Variants in ORC2 observed in about 807,000 individuals in gnomAD.
ORC2 encodes the protein origin recognition complex protein 2 homolog.
ORC2 carries 37 observed loss-of-function variants against 77.7 expected under a neutral mutation model. The ratio of observed to expected loss-of-function variants is 0.48; its 90% CI spans 0.37 to 0.63. The LOEUF is 0.63. Ranked by LOEUF, ORC2 falls within the 20% of genes least tolerant of loss-of-function variation. The pLI is 0.00. For missense variants in ORC2, 557 were observed against 661.9 expected, an observed-to-expected ratio of 0.84 and a Z score of 1.74; for synonymous variants, 201 against 229.5, an observed-to-expected ratio of 0.88 and a Z score of 1.12.
rs947224401 is a variant in ORC2 at position 200,910,027 on chromosome 2, T to A, written c.*1274A>T. 1 of 152,164 alleles carries A rather than the reference T, an allele frequency of 6.6e-6. No individual in the cohort carries two copies. The highest frequency in any genetic ancestry group is 2.4e-5 in the African/African-American group (1 of 41,442). 9.4% of individuals were successfully genotyped at this position (152,164 alleles called of 1,614,324 possible). The stretch of plus-strand genomic sequence containing the variant: ...ATCCTCCTGCCTTGGCCTCCCAAAG[T>A]GTTGTGATTACAGGCATAAGCCATT... On this transcript the variant is annotated 3_prime_UTR_variant, in exon 18 of 18. Coordinates refer to ENST00000234296, the MANE Select transcript of ORC2 (RefSeq NM_006190.5).
At chr2:200,917,215 G>A (rs982197795) in intron 15 of ORC2, among the ~76,000 whole-genome samples, 2 of 151,978 alleles carry the variant, frequency 1.3e-5, no homozygotes, top group Non-Finnish European at 2.9e-5. Context: ...GGCTGGTCTC[G>A]AACTCCTGAC....
Position 200,935,953 on chromosome 2 carries a change from G to C in ORC2, c.515-61C>G, listed in dbSNP as rs901699461. 31 of 1,458,190 alleles carry C rather than the reference G, an allele frequency of 2.1e-5. No individual in the cohort carries two copies. In the African/African-American group the frequency reaches 3.9e-4, roughly 19 times the overall value. The allele number at this position is 1,458,190 out of a possible 1,614,324, so 90.3% of individuals were successfully genotyped here. A position where few individuals can be genotyped will look rare whatever the true frequency, so the allele number is the denominator to read the frequency against. On this transcript the variant is annotated intron_variant, in intron 8 of 17. Coordinates refer to ENST00000234296, the MANE Select transcript of ORC2 (RefSeq NM_006190.5). The stretch of plus-strand genomic sequence containing the variant: ...TGGTTTGACAAGAGAGGCATTGTGG[G>C]GTAAAGCAAAGAGTGGGGGCTCTGT...
chr2:200,952,668 A>G (rs2041383977), intron 4 of ORC2, among the ~76,000 whole-genome samples: 1 of 152,154 alleles, frequency 6.6e-6, no homozygotes, highest in African/African-American at 2.4e-5. Context: ...AGAAACTGTA[A>G]AAGATTTAAG....
chr2:200,951,452 T>C (rs1289985417), intron 4 of ORC2, among the ~76,000 whole-genome samples: 1 of 152,248 alleles, frequency 6.6e-6, no homozygotes, highest in African/African-American at 2.4e-5. Flanking sequence ...CAGCTGTTTT[T>C]CATGGGGCTG....
intron 12 of ORC2, 70 bp downstream of exon 12, chr2:200,926,698 C>T: frequency 1.3e-6 from 2 of 1,504,342 alleles, no homozygotes; most frequent in South Asian, 1.1e-5. Flanking sequence ...AATACTCCAT[C>T]CTCATTTATG....
intron 10 of ORC2, among the ~76,000 whole-genome samples, chr2:200,932,484 C>T (rs537944689): frequency 5.3e-5 from 8 of 151,956 alleles, no homozygotes; most frequent in East Asian, 1.9e-4. Flanking sequence ...GGAGTACAGG[C>T]GCGTGCCACC....
Position 200,945,927 on chromosome 2 carries a change from G to A in ORC2, c.329-3150C>T, listed in dbSNP as rs189211068. 2.4e-3 allele frequency among the ~76,000 whole-genome samples: 369 copies of A among 151,998 alleles called. 3 individuals carry two copies. Among genetic ancestry groups the A allele is most frequent in the African/African-American group, 8.6e-3 (356 of 41,464 alleles). The stretch of plus-strand genomic sequence containing the variant: ...ACCCTTTGGGTATATATCTAGTAGT[G>A]GGATTGCTGGATCTCAATCTATTTT... On this transcript the variant is annotated intron_variant, in intron 5 of 17. Transcript: ENST00000234296.
intron 8 of ORC2, among the ~76,000 whole-genome samples, 154 bp from the exon 9 acceptor site, chr2:200,936,046 C>A (rs1403177638): frequency 1.3e-5 from 2 of 152,200 alleles, no homozygotes. Flanking sequence ...TTAACAAATT[C>A]TCTCAGCACC....
intron 1 of ORC2, 119 bp downstream of exon 1, chr2:200,963,371 G>A (rs1197493088): frequency 2.5e-6 from 1 of 398,160 alleles, no homozygotes; most frequent in African/African-American, 2.1e-5. Context: ...CCTGAGATGC[G>A]CGACTTGGGA....
intron 12 of ORC2, 80 bp downstream of exon 12, chr2:200,926,688 A>T: frequency 1.4e-6 from 2 of 1,432,662 alleles, no homozygotes; most frequent in Non-Finnish European, 1.9e-6. Flanking sequence ...AAAATTCTTT[A>T]ATACTCCATC....
chr2:200,932,243 C>G (rs2040954863), intron 10 of ORC2, among the ~76,000 whole-genome samples: 3 of 151,928 alleles, frequency 2.0e-5, no homozygotes, highest in African/African-American at 7.3e-5. Context: ...AATATCTTTT[C>G]CAGCAGTCAT....
chr2:200,917,075 A>G (rs2124934394), intron 15 of ORC2, among the ~76,000 whole-genome samples: 1 of 149,382 alleles, frequency 6.7e-6, no homozygotes, highest in South Asian at 2.1e-4. Flanking sequence ...GCTCAATGCA[A>G]CCTTTACCTC....
intron 10 of ORC2, among the ~76,000 whole-genome samples, chr2:200,932,041 T>C (rs1446824089): frequency 1.3e-5 from 2 of 152,190 alleles, no homozygotes; most frequent in African/African-American, 4.8e-5. Flanking sequence ...ACCTTTCAAG[T>C]AAAATATTAT....
At chr2:200,915,180 A>AT (rs201972403) in intron 15 of ORC2, among the ~76,000 whole-genome samples, 4,301 of 151,602 alleles carry the variant, frequency 0.028, 209 homozygotes, top group African/African-American at 0.099. Flanking sequence ...ACCCCAGCTA[A>AT]TTTTGTATTT....
At chr2:200,928,829 A>G (rs1384960551) in intron 11 of ORC2, among the ~76,000 whole-genome samples, 1 of 150,630 alleles carries the variant, frequency 6.6e-6, no homozygotes, top group Non-Finnish European at 1.5e-5. Flanking sequence ...AAAAAACAAC[A>G]AAAAAAAAGT....
intron 4 of ORC2, 119 bp downstream of exon 4, chr2:200,957,282 G>T: frequency 1.5e-6 from 1 of 649,924 alleles, no homozygotes; most frequent in Non-Finnish European, 2.4e-6. Context: ...ATGCTTTTTA[G>T]ATGAGAAACA....
chr2:200,949,818 TTATA>T (rs1434570786), intron 4 of ORC2, among the ~76,000 whole-genome samples, 175 bp from the exon 5 acceptor site: 1 of 152,104 alleles, frequency 6.6e-6, no homozygotes, highest in Non-Finnish European at 1.5e-5. Flanking sequence ...ATGAAACTGT[TTATA>T]TAAGTTTTAA....
chr2:200,912,212 G>A (rs1036276869), intron 17 of ORC2, among the ~76,000 whole-genome samples: 16 of 152,050 alleles, frequency 1.1e-4, no homozygotes, highest in Admixed American at 3.9e-4. Flanking sequence ...CCAATGCCTG[G>A]TTTCAGTTAT....
chr2:200,953,048 G>C (rs1206026224), intron 4 of ORC2, among the ~76,000 whole-genome samples: 1 of 150,606 alleles, frequency 6.6e-6, no homozygotes, highest in Admixed American at 6.6e-5. Context: ...GGGAGGCTAA[G>C]GTTGCAGTGA....
Sources: allele counts gnomAD v4.1 joint callset (sites outside exome capture counted in the v4.1 genomes callset), GRCh38; gene constraint gnomAD v4.1.1; transcripts MANE v1.5; gene names NCBI Gene and HGNC (gene_info 2026-07-23, HGNC 2026-07-21).